Variants in HELZ2 observed in about 807,000 individuals in gnomAD.
The protein encoded by HELZ2 is helicase with zinc finger 2, also known as 3'-5' exoribonuclease HELZ2.
A neutral mutation model predicts 208.8 loss-of-function variants in HELZ2; 143 were observed. That is an observed-to-expected ratio of 0.68 (90% CI 0.60 to 0.79). The LOEUF (loss-of-function observed/expected upper bound fraction) is 0.79. Ranked by LOEUF, HELZ2 falls within the 30% of genes least tolerant of loss-of-function variation. HELZ2 has a pLI of 0.00. For synonymous variants in HELZ2, 1,705 were observed against 1,693.7 expected, an observed-to-expected ratio of 1.01 and a Z score of -0.16; for missense variants, 3,690 against 3,794.5, an observed-to-expected ratio of 0.97 and a Z score of 0.72.
chr20:63,561,175 G>T, exon 14 of HELZ2: 1 of 1,613,144 alleles, frequency 6.2e-7, no homozygotes, highest in Non-Finnish European at 8.5e-7. Flanking sequence ...TCACGTCCAG[G>T]ATTTTGAGGC....
chr20:63,558,305 A>AC (rs1372672888), downstream of HELZ2: 1 of 111,632 alleles, frequency 9.0e-6, no homozygotes, highest in Non-Finnish European at 1.8e-5. Flanking sequence ...TCGCCCCGGC[A>AC]CCCCCCAACC....
At chr20:63,571,081 G>A in intron 1 of HELZ2, 2 of 519,100 alleles carry the variant, frequency 3.9e-6, no homozygotes, top group Non-Finnish European at 3.4e-6. Flanking sequence ...CATGGCTTTA[G>A]CCCTCAGCAG....
intron 4 of HELZ2, 25 bp downstream of exon 5, chr20:63,569,123 G>C: frequency 6.4e-7 from 1 of 1,573,504 alleles, no homozygotes; most frequent in Non-Finnish European, 8.6e-7. Flanking sequence ...TGCTACCCCA[G>C]CTGCTCCTGT....
At chr20:63,565,522 C>A in exon 8 of HELZ2, 1 of 1,606,604 alleles carries the variant, frequency 6.2e-7, no homozygotes, top group Non-Finnish European at 8.5e-7. Flanking sequence ...GGGACTCGGG[C>A]CTGGCGACAG....
intron 1 of HELZ2, chr20:63,571,314 C>A: frequency 4.8e-6 from 1 of 209,016 alleles, no homozygotes; most frequent in Non-Finnish European, 9.5e-6. Context: ...TCCTGCCCCG[C>A]TCCAAGCTCC....
chr20:63,570,907 C>T lies in HELZ2; in HGVS notation c.279-39G>A, dbSNP rs774390972. On this transcript the variant is annotated intron_variant, in intron 1 of 18. Coordinates refer to ENST00000467148, the Ensembl canonical transcript of HELZ2. ...AGGTCAGCAGGGCTACACAGAGGCA[C>T]AGCCGCCGTGCTGAGTTCAAAGGCC... The T allele has an allele frequency of 1.8e-5, 27 of 1,518,712 alleles. No individual in the cohort carries two copies. In the African/African-American group the frequency reaches 3.3e-4, roughly 19 times the overall value. The allele number at this position is 1,518,712 out of a possible 1,614,324, so 94.1% of individuals were successfully genotyped here.
chr20:63,562,601 C>T, exon 8 of HELZ2: 2 of 1,598,400 alleles, frequency 1.3e-6, no homozygotes, highest in Admixed American at 1.7e-5. Flanking sequence ...CTTCTCCATG[C>T]CCATGTGGTG....
At chr20:63,567,737 G>A in intron 5 of HELZ2, 110 bp from the exon 7 acceptor site, 2 of 1,475,238 alleles carry the variant, frequency 1.4e-6, no homozygotes, top group East Asian at 2.5e-5. Context: ...GCCCTTGTCT[G>A]GCTGTCAGAG....
chr20:63,574,074 CCCCCCTCCGCCCCCGGCCCCG>C (rs2083036391), upstream of HELZ2: 1 of 144,452 alleles, frequency 6.9e-6, no homozygotes, highest in African/African-American at 2.6e-5. Context: ...CTCCCGGACC[CCCCCCTCCGCCCCCGGCCCCG>C]CCACCCTGGG....
chr20:63,568,627 T>C (rs1378718370), exon 5 of HELZ2: 1 of 1,602,524 alleles, frequency 6.2e-7, no homozygotes, highest in Admixed American at 1.7e-5. Flanking sequence ...CCTCAGGCAG[T>C]GTGTCCACTG....
rs769994047 is a variant in HELZ2, at chr20:63,567,511, A to T, written c.1847T>A (p.Val616Asp). 9 of 1,560,214 alleles carry T rather than the reference A, an allele frequency of 5.8e-6. No homozygotes were observed. Among genetic ancestry groups the T allele is most frequent in the South Asian group, 1.2e-5 (1 of 85,138 alleles). ...GGTCAGGCAACAGTACTGCAGCGTG[A>T]CTGGGTCCGTCTGGCTCAGCGGCCG... Residue 616 changes from valine (V) to aspartate (D), a missense_variant, in exon 6 of 19, where the codon GTC becomes GAC. Physicochemically the swap from Val to Asp is radical, Grantham distance 152. Coordinates refer to ENST00000467148, the Ensembl canonical transcript of HELZ2.
rs781641289 is a variant in HELZ2, at chr20:63,559,989, A to G, written c.7764T>C (p.Val2588=). 10 of 1,612,122 alleles carry G rather than the reference A, an allele frequency of 6.2e-6. No homozygotes were observed. In the Middle Eastern group the frequency reaches 9.9e-4, roughly 160 times the overall value. ...CCACATTCACTTGGTTGGGGTCCACAACGAAGCCCAGAAACTTCTTGAGCC... is the reference window on the plus strand; with the variant it reads ...CCACATTCACTTGGTTGGGGTCCACGACGAAGCCCAGAAACTTCTTGAGCC... Residue 2588 remains valine, a synonymous_variant, in exon 18 of 19, where the codon GTT becomes GTC. Transcript: ENST00000467148.
exon 8 of HELZ2, chr20:63,563,545 G>A (rs2082913108): frequency 1.3e-6 from 2 of 1,516,744 alleles, no homozygotes; most frequent in African/African-American, 1.4e-5. Flanking sequence ...CCCGGTTGCT[G>A]GGGAAGAGCA....
At position 63,570,432 on chromosome 20, in the gene HELZ2, G is replaced by T. The variant is rs762440263; in HGVS notation, c.570+72C>A. ...TATTAGCTCCATGACCCAGGCTGTT[G>T]ACGTCTGCCCGGGCTGAAGTCACCA... On this transcript the variant is annotated intron_variant, in intron 3 of 18. Transcript: ENST00000467148. 5 of 1,253,468 alleles carry T rather than the reference G, an allele frequency of 4.0e-6. No individual in the cohort carries two copies. The East Asian group carries it at 1.2e-4, about 30-fold the overall frequency. 77.6% of individuals were successfully genotyped at this position (1,253,468 alleles called of 1,614,324 possible). A position where few individuals can be genotyped will look rare whatever the true frequency, so the allele number is the denominator to read the frequency against.
chr20:63,567,217 T>G (rs376145128), exon 6 of HELZ2: 44 of 1,607,516 alleles, frequency 2.7e-5, no homozygotes, highest in Non-Finnish European at 3.2e-5. Flanking sequence ...CAGCAGCGTG[T>G]GCTCGGCCGC....
At chr20:63,566,333 G>A (rs1384835391) in intron 7 of HELZ2, 45 bp downstream of exon 8, 2 of 1,533,120 alleles carry the variant, frequency 1.3e-6, no homozygotes, top group East Asian at 2.4e-5. Flanking sequence ...GCCACCCGGG[G>A]TATCCTGGGG....
chr20:63,560,465 C>A lies in HELZ2; in HGVS notation c.7500+14G>T. On this transcript the variant is annotated intron_variant, in intron 16 of 18. Transcript: ENST00000467148. ...CAGAAAGCCCTCCCTGACTCACAGGCACCAGACACTCACCACCTCAGCCAC... is the reference window on the plus strand; with the variant it reads ...CAGAAAGCCCTCCCTGACTCACAGGAACCAGACACTCACCACCTCAGCCAC... 1 of 1,607,856 alleles carries A rather than the reference C, an allele frequency of 6.2e-7. No individual in the cohort carries two copies.
chr20:63,560,404 C>T (rs1001315218), intron 16 of HELZ2, 75 bp downstream of exon 17: 10 of 1,589,176 alleles, frequency 6.3e-6, no homozygotes, highest in South Asian at 1.1e-5. Flanking sequence ...CCCTGACTCA[C>T]AAGCACCAGA....
upstream of HELZ2, chr20:63,574,108 C>G (rs2083037019): frequency 6.9e-6 from 1 of 144,966 alleles, no homozygotes. Context: ...ACCCTGGGAC[C>G]CCCGCGCTCA....
Sources: gnomAD v4.1 joint callset for allele counts on GRCh38, gnomAD v4.1.1 for gene constraint, MANE v1.5 for transcripts, NCBI Gene and HGNC (gene_info 2026-07-23, HGNC 2026-07-21) for gene names.